The following NAALADL2 variants were observed in gnomAD, a reference collection of about 807,000 sequenced individuals.
The protein encoded by NAALADL2 is inactive N-acetylated-alpha-linked acidic dipeptidase-like protein 2.
Under a neutral mutation model 87.2 loss-of-function variants are expected in NAALADL2, and 76 were observed. The ratio of observed to expected loss-of-function variants is 0.87; its 90% CI spans 0.72 to 1.05. The LOEUF (loss-of-function observed/expected upper bound fraction) is 1.05, where lower values mean the gene tolerates loss of function less well. Among genes scored for constraint, NAALADL2 ranks in the 50% least tolerant of loss-of-function variants. NAALADL2 has a pLI of 0.00. For synonymous variants in NAALADL2, 354 were observed against 331.0 expected, an observed-to-expected ratio of 1.07 and a Z score of -0.75; for missense variants, 1,089 against 945.8, an observed-to-expected ratio of 1.15 and a Z score of -1.99.
chr3:174,469,243 A>ATTTG (rs1716742912), intron 1 of NAALADL2, among the ~76,000 whole-genome samples: 1 of 151,638 alleles, frequency 6.6e-6, no homozygotes, highest in African/African-American at 2.4e-5. Flanking sequence ...ATGTAGAAGC[A>ATTTG]AACACCAGTC....
At chr3:175,483,591 G>T (rs1329809000) in intron 9 of NAALADL2, among the ~76,000 whole-genome samples, 1 of 151,832 alleles carries the variant, frequency 6.6e-6, no homozygotes, top group African/African-American at 2.4e-5. Flanking sequence ...GGTTTTCATA[G>T]TCATCTCAAG....
intron 2 of NAALADL2, among the ~76,000 whole-genome samples, chr3:174,660,333 G>T (rs1305191014): frequency 6.6e-6 from 1 of 152,086 alleles, no homozygotes; most frequent in Non-Finnish European, 1.5e-5. Flanking sequence ...CTTATTCAGT[G>T]TTAAAATATT....
At chr3:174,502,701 G>A (rs546848716) in intron 1 of NAALADL2, among the ~76,000 whole-genome samples, 9 of 152,110 alleles carry the variant, frequency 5.9e-5, no homozygotes, top group Non-Finnish European at 1.2e-4. Context: ...TAACTGTTGT[G>A]TTTCCAAGGT....
chr3:175,401,211 T>A (rs1473621156), intron 5 of NAALADL2, among the ~76,000 whole-genome samples: 2 of 152,108 alleles, frequency 1.3e-5, no homozygotes, highest in Admixed American at 6.6e-5. Flanking sequence ...AACAGCCACA[T>A]CTGTGTACTC....
intron 6 of NAALADL2, among the ~76,000 whole-genome samples, chr3:175,463,025 T>C (rs1385325671): frequency 6.6e-6 from 1 of 152,230 alleles, no homozygotes; most frequent in Non-Finnish European, 1.5e-5. Flanking sequence ...TCAATATTCT[T>C]TGGAAATATT....
chr3:175,181,546 T>C (rs1736472053), intron 2 of NAALADL2, among the ~76,000 whole-genome samples: 2 of 151,454 alleles, frequency 1.3e-5, no homozygotes, highest in Admixed American at 1.3e-4. Context: ...ACATTTCACA[T>C]GTAAGTGACA....
intron 2 of NAALADL2, among the ~76,000 whole-genome samples, chr3:174,705,612 A>C (rs1018520669): frequency 6.6e-6 from 1 of 151,256 alleles, no homozygotes; most frequent in Non-Finnish European, 1.5e-5. Context: ...GTGAAACCCT[A>C]TCTCTACTAA....
chr3:175,183,105 T>C (rs112734222), intron 2 of NAALADL2, among the ~76,000 whole-genome samples: 184 of 152,130 alleles, frequency 1.2e-3, no homozygotes, highest in African/African-American at 4.1e-3. Flanking sequence ...TTAGAGATTG[T>C]ATTGAATCTG....
At chr3:175,289,444 C>G (rs1279542075) in intron 4 of NAALADL2, among the ~76,000 whole-genome samples, 1 of 151,862 alleles carries the variant, frequency 6.6e-6, no homozygotes, top group Non-Finnish European at 1.5e-5. Flanking sequence ...AAAGAGAGAA[C>G]CTTGACCCTG....
At chr3:175,770,928 G>T (rs1382131154) in intron 13 of NAALADL2, among the ~76,000 whole-genome samples, 1 of 152,112 alleles carries the variant, frequency 6.6e-6, no homozygotes, top group African/African-American at 2.4e-5. Flanking sequence ...AAATTAAATA[G>T]ATAGCTTTGA....
intron 5 of NAALADL2, among the ~76,000 whole-genome samples, chr3:175,423,051 ATTTTT>A (rs201372383): frequency 6.6e-5 from 6 of 91,506 alleles, no homozygotes; most frequent in East Asian, 3.6e-4. Context: ...ATATATATAT[ATTTTT>A]TTTTTTTCCT....
chr3:175,013,183 TATAAATATATATAC>T lies in NAALADL2; in HGVS notation c.44-83595_44-83582del, dbSNP rs1202772771. Among the ~76,000 whole-genome samples the T allele has an allele frequency of 2.7e-3, 259 of 95,900 alleles. 1 individual carries two copies. The highest frequency in any genetic ancestry group is 3.9e-3 in the African/African-American group (63 of 16,328). 62.9% of individuals were successfully genotyped at this position (95,900 alleles called of 152,430 possible). On this transcript the variant is annotated intron_variant, in intron 1 of 13. Coordinates refer to ENST00000454872, the MANE Select transcript of NAALADL2 (RefSeq NM_207015.3). ...TATAAATATGTAATACATATTTATA[TATAAATATATATAC>T]ATAAATATATAATATATATTTATAT... is the stretch of plus-strand genomic sequence containing the variant.
chr3:175,349,274 A>G (rs1763482842), intron 5 of NAALADL2, among the ~76,000 whole-genome samples: 1 of 151,482 alleles, frequency 6.6e-6, no homozygotes, highest in Admixed American at 6.6e-5. Context: ...AAGCAGTTGA[A>G]CCCAGATCTG....
intron 11 of NAALADL2, among the ~76,000 whole-genome samples, chr3:175,657,972 T>A (rs1731729676): frequency 1.3e-5 from 2 of 151,676 alleles, no homozygotes; most frequent in Admixed American, 6.6e-5. Flanking sequence ...AATATGTATG[T>A]GAGAAGGAAA....
At chr3:175,379,839 A>C (rs1403196284) in intron 5 of NAALADL2, among the ~76,000 whole-genome samples, 1 of 152,174 alleles carries the variant, frequency 6.6e-6, no homozygotes, top group African/African-American at 2.4e-5. Flanking sequence ...AAAGAGTACC[A>C]AGAATTAAAT....
At chr3:174,580,853 A>G (rs997581679) in intron 2 of NAALADL2, among the ~76,000 whole-genome samples, 4 of 152,136 alleles carry the variant, frequency 2.6e-5, no homozygotes, top group African/African-American at 9.7e-5. Context: ...GATACCTAAG[A>G]GTGGAATGGT....
At chr3:175,402,110 T>C (rs140368772) in intron 5 of NAALADL2, among the ~76,000 whole-genome samples, 2 of 152,178 alleles carry the variant, frequency 1.3e-5, no homozygotes, top group East Asian at 3.9e-4. Context: ...CTTAATAAAT[T>C]TAAATTTTTC....
In NAALADL2 at chr3:175,015,952, T is replaced by A. The variant is rs574661770; in HGVS notation, c.44-80838T>A. Among the ~76,000 whole-genome samples the A allele has an allele frequency of 9.2e-5, 14 of 151,966 alleles. No homozygotes were observed. The South Asian group carries it at 2.3e-3, about 25-fold the overall frequency. On this transcript the variant is annotated intron_variant, in intron 1 of 13. Transcript: ENST00000454872. ...GTTTGTTGACATAAATACCTGATAA[T>A]CAGTCCTCTAATTATTTTTCTACTG...
At chr3:174,738,546 A>G (rs899773179) in intron 3 of NAALADL2, among the ~76,000 whole-genome samples, 3 of 152,184 alleles carry the variant, frequency 2.0e-5, no homozygotes, top group Non-Finnish European at 2.9e-5. Context: ...CTACGGGGAA[A>G]GAGACTGTGC....
Sources: gnomAD v4.1 joint callset for allele counts (sites outside exome capture counted in the v4.1 genomes callset) on GRCh38, gnomAD v4.1.1 for gene constraint, MANE v1.5 for transcripts, NCBI Gene and HGNC (gene_info 2026-07-23, HGNC 2026-07-21) for gene names.